The following OR51L1 variants were observed in gnomAD, a reference collection of about 807,000 sequenced individuals.
OR51L1 encodes the protein olfactory receptor 51L1.
In OR51L1, 1 loss-of-function variant was observed where a neutral mutation model predicts 1.4. The ratio of observed to expected loss-of-function variants is 0.72; its 90% CI spans 0.26 to 3.42. The LOEUF (loss-of-function observed/expected upper bound fraction) is 3.42, where lower values mean the gene tolerates loss of function less well. Ranked by LOEUF, OR51L1 falls within the 30% of genes most tolerant of loss-of-function variation. The pLI is 0.20. For synonymous variants in OR51L1, 156 were observed against 144.2 expected (o/e 1.08, Z -0.59); for missense variants, 378 against 380.0 (o/e 0.99, Z 0.04).
rs374482511 is a variant in OR51L1, at chr11:4,999,228, C to T, written c.246C>T (p.Thr82=). ...DLGMSLSTLP[T]MLAVLWLDAP... ...GGATGTCCCTGTCTACACTTCCCAC[C>T]ATGCTTGCTGTGTTATGGTTGGATG... The change falls in exon 3 of 3, where the codon ACC becomes ACT. Residue 82 remains threonine (T), a synonymous_variant. Transcript: ENST00000641819. 1.2e-6 allele frequency: 2 copies of T among 1,614,052 alleles called. No individual in the cohort carries two copies. Among genetic ancestry groups the T allele is most frequent in the African/African-American group, 2.7e-5 (2 of 74,930 alleles).
rs1847161600 is a variant in OR51L1 at position 5,004,755 on chromosome 11, A to T, written c.*4825A>T. Reference sequence around the variant, plus strand: ...AACTGGGACAATAAATAAATAACTGACACATTTGCTGATATTATCAATGAT... The same window carrying T: ...AACTGGGACAATAAATAAATAACTGTCACATTTGCTGATATTATCAATGAT... On this transcript the variant is annotated 3_prime_UTR_variant, in exon 3 of 3. Coordinates refer to ENST00000641819, the MANE Select transcript of OR51L1 (RefSeq NM_001004755.2). 1 of 152,102 alleles carries T rather than the reference A, an allele frequency of 6.6e-6. No individual in the cohort carries two copies. The highest frequency in any genetic ancestry group is 1.5e-5 in the Non-Finnish European group (1 of 68,016). 9.4% of individuals were successfully genotyped at this position (152,102 alleles called of 1,614,324 possible). A position where few individuals can be genotyped will look rare whatever the true frequency, so the allele number is the denominator to read the frequency against.
intron 2 of OR51L1, 61 bp from the exon 3 acceptor site, chr11:4,998,762 GT>G: frequency 1.9e-6 from 1 of 519,608 alleles, no homozygotes; most frequent in Non-Finnish European, 3.4e-6. Flanking sequence ...CCATATTTGT[GT>G]AGTCCACATT....
rs1847101624 is a variant in OR51L1, at chr11:4,999,277, T to C, written c.295T>C (p.Cys99Arg). The C allele has an allele frequency of 6.2e-7, 1 of 1,614,064 alleles. No homozygotes were observed. Among genetic ancestry groups the C allele is most frequent in the South Asian group, 1.1e-5 (1 of 91,086 alleles). ...TGCTCCAGAGATCCAGGCAAGTGCT[T>C]GCTATGCTCAGCTGTTCTTCATCCA... ...LDAPEIQASACYAQLFFIHTF... is the reference protein window; with the variant it reads ...LDAPEIQASARYAQLFFIHTF... Residue 99 changes from cysteine (C) to arginine (R), a missense_variant, in exon 3 of 3, where the codon TGC (cysteine) becomes CGC (arginine). Physicochemically the swap from Cys to Arg is radical, Grantham distance 180 (BLOSUM62 -3). Transcript: ENST00000641819.
rs897712194 is a variant in OR51L1, at chr11:5,000,839, C to T, written c.*909C>T. Reference sequence around the variant, plus strand: ...ATCTTGGGTCATCTGGTGGGTCATCCAGTAGTCTGGCCAGTGGGGGAGAAT... The same window carrying T: ...ATCTTGGGTCATCTGGTGGGTCATCTAGTAGTCTGGCCAGTGGGGGAGAAT... On this transcript the variant is annotated 3_prime_UTR_variant, in exon 3 of 3. Coordinates refer to ENST00000641819, the MANE Select transcript of OR51L1 (RefSeq NM_001004755.2). 1 of 152,350 alleles carries T rather than the reference C, an allele frequency of 6.6e-6. No individual in the cohort carries two copies. Among genetic ancestry groups the T allele is most frequent in the African/African-American group, 2.4e-5 (1 of 41,426 alleles). 9.4% of individuals were successfully genotyped at this position (152,350 alleles called of 1,614,324 possible).
At chr11:4,996,721 T>C (rs1291494708) in intron 1 of OR51L1, among the ~76,000 whole-genome samples, 4 of 106,276 alleles carry the variant, frequency 3.8e-5, no homozygotes, top group African/African-American at 1.1e-4. Context: ...CTTTCTTTTC[T>C]TTTCTTTCTT....
Position 4,999,551 on chromosome 11 carries a change from C to A in OR51L1, c.569C>A (p.Ser190Tyr), listed in dbSNP as rs748049886. 4.5e-5 allele frequency: 72 copies of A among 1,613,862 alleles called. No individual in the cohort carries two copies. The highest frequency in any genetic ancestry group is 5.2e-5 in the Non-Finnish European group (61 of 1,179,982). ...FCLHQDVLRL[S>Y]CTDARTNSIY... Reference sequence around the variant, plus strand: ...TTGCACCAGGATGTTCTAAGATTATCCTGTACAGATGCCAGGACCAACAGT... The same window carrying A: ...TTGCACCAGGATGTTCTAAGATTATACTGTACAGATGCCAGGACCAACAGT... The change falls in exon 3 of 3, where the codon TCC becomes TAC. Residue 190 changes from serine to tyrosine, a missense_variant. Physicochemically the swap from Ser to Tyr is moderately radical, Grantham distance 144. Transcript: ENST00000641819.
rs1350360639 is a variant in OR51L1 at position 4,997,556 on chromosome 11, CTA to C, written c.-185_-184del. 6.6e-6 allele frequency: 1 copy of C among 152,100 alleles called. No homozygotes were observed. The highest frequency in any genetic ancestry group is 1.9e-4 in the East Asian group (1 of 5,188). The allele number at this position is 152,100 out of a possible 1,614,324, so 9.4% of individuals were successfully genotyped here. On this transcript the variant is annotated 5_prime_UTR_variant, in exon 2 of 3. An upstream start codon of the reference 5' UTR is lost. Transcript: ENST00000641819. ...TGCTACAGAGAGATGTTGCTGAAGT[CTA>C]TGAGGCCCAGACTCTAAGGGACAAG... is the stretch of plus-strand genomic sequence containing the variant.
Position 5,004,199 on chromosome 11 carries a change from G to GA in OR51L1, c.*4273dup, listed in dbSNP as rs1337419781. 2 of 152,172 alleles carry GA rather than the reference G, an allele frequency of 1.3e-5. No homozygotes were observed. The highest frequency in any genetic ancestry group is 3.9e-4 in the East Asian group (2 of 5,178). 9.4% of individuals were successfully genotyped at this position (152,172 alleles called of 1,614,324 possible). On this transcript the variant is annotated 3_prime_UTR_variant, in exon 3 of 3. Coordinates refer to ENST00000641819, the MANE Select transcript of OR51L1 (RefSeq NM_001004755.2). ...CATAGTCTTAGCATCCTGGATGCCA[G>GA]AAAAGGTCATTACATTGCATGTGTT...
At chr11:4,998,741 G>T in intron 2 of OR51L1, 83 bp from the exon 3 acceptor site, 1 of 430,044 alleles carries the variant, frequency 2.3e-6, no homozygotes, top group Non-Finnish European at 4.1e-6. Context: ...CGTATTTCTT[G>T]CCAGAGATGA....
At chr11:4,997,943 A>G (rs1387770479) in intron 2 of OR51L1, among the ~76,000 whole-genome samples, 3 of 152,180 alleles carry the variant, frequency 2.0e-5, no homozygotes, top group African/African-American at 4.8e-5. Context: ...TAATATTTTG[A>G]TTGATGATCT....
chr11:4,999,887 G>A lies in OR51L1; in HGVS notation c.905G>A (p.Arg302His), dbSNP rs148976493. ...IVYSVRTKQI[R>H]LGILHKFVLR... ...TATAGTGTCAGAACAAAGCAGATTC[G>A]TCTAGGAATTCTCCACAAGTTTGTC... The change falls in exon 3 of 3, where the codon CGT becomes CAT. Residue 302 changes from arginine to histidine, a missense_variant. Transcript: ENST00000641819. The A allele has an allele frequency of 1.0e-4, 167 of 1,613,340 alleles. No individual in the cohort carries two copies. Among genetic ancestry groups the A allele is most frequent in the East Asian group, 4.5e-4 (20 of 44,868 alleles).
chr11:5,002,202 G>A lies in OR51L1; in HGVS notation c.*2272G>A, dbSNP rs147357311. On this transcript the variant is annotated 3_prime_UTR_variant, in exon 3 of 3. Coordinates refer to ENST00000641819, the MANE Select transcript of OR51L1 (RefSeq NM_001004755.2). ...TAATGTCATATAGGTTAATGAAATT[G>A]GTTATGATGGAAGTATTTAAACCAC... 4 of 152,204 alleles carry A rather than the reference G, an allele frequency of 2.6e-5. No individual in the cohort carries two copies. Among genetic ancestry groups the A allele is most frequent in the African/African-American group, 9.6e-5 (4 of 41,530 alleles). 9.4% of individuals were successfully genotyped at this position (152,204 alleles called of 1,614,324 possible). A position where few individuals can be genotyped will look rare whatever the true frequency, so the allele number is the denominator to read the frequency against.
Position 5,002,231 on chromosome 11 carries a change from A to T in OR51L1, c.*2301A>T, listed in dbSNP as rs139429539. Reference sequence around the variant, plus strand: ...ATGATGGAAGTATTTAAACCACAGAAATTGGTAAACATTATATATCAGGAC... The same window carrying T: ...ATGATGGAAGTATTTAAACCACAGATATTGGTAAACATTATATATCAGGAC... On this transcript the variant is annotated 3_prime_UTR_variant, in exon 3 of 3. Coordinates refer to ENST00000641819, the MANE Select transcript of OR51L1 (RefSeq NM_001004755.2). The T allele has an allele frequency of 2.3e-4, 35 of 152,358 alleles. No homozygotes were observed. The highest frequency in any genetic ancestry group is 4.9e-4 in the Non-Finnish European group (33 of 68,038). 9.4% of individuals were successfully genotyped at this position (152,358 alleles called of 1,614,324 possible). A position where few individuals can be genotyped will look rare whatever the true frequency, so the allele number is the denominator to read the frequency against.
intron 1 of OR51L1, among the ~76,000 whole-genome samples, chr11:4,996,679 CTTTCTTTCTT>C (rs1426828456): frequency 6.7e-6 from 1 of 150,032 alleles, no homozygotes; most frequent in African/African-American, 2.5e-5. Flanking sequence ...CTTTTTTTCT[CTTTCTTTCTT>C]TTTCTTTCTT....
chr11:4,997,091 G>C (rs1847080151), intron 1 of OR51L1, among the ~76,000 whole-genome samples: 1 of 152,092 alleles, frequency 6.6e-6, no homozygotes, highest in Non-Finnish European at 1.5e-5. Flanking sequence ...CATTCACATT[G>C]CCTAGGCTAG....
chr11:4,999,507 CCT>C lies in OR51L1; in HGVS notation c.531_532del (p.His178ArgfsTer47). The C allele has an allele frequency of 6.2e-7, 1 of 1,614,016 alleles. No homozygotes were observed. Reference sequence around the variant, plus strand: ...ACTATCACTACTGCCATGGCAATGCCCTCTCTCACGCCTTCTGTTTGCACCAG... The same window carrying C: ...ACTATCACTACTGCCATGGCAATGCCCTCTCACGCCTTCTGTTTGCACCAG... ...RHYHYCHGNA[L>X]SHAFCLHQDV... On this transcript the variant is annotated frameshift_variant, in exon 3 of 3. Transcript: ENST00000641819. LOFTEE classifies it low-confidence loss of function (END_TRUNC).
rs1847110424 is a variant in OR51L1 at position 4,999,713 on chromosome 11, T to C, written c.731T>C (p.Val244Ala). 1 of 1,614,016 alleles carries C rather than the reference T, an allele frequency of 6.2e-7. No individual in the cohort carries two copies. The highest frequency in any genetic ancestry group is 8.5e-7 in the Non-Finnish European group (1 of 1,179,956). The stretch of plus-strand genomic sequence containing the variant: ...CAGCTAAAGGCACTCAACACATGTG[T>C]ATCCCATATCTGTGTGGTGCTTATC... ...EEQLKALNTCVSHICVVLIFF... is the reference protein window; with the variant it reads ...EEQLKALNTCASHICVVLIFF... Residue 244 changes from valine to alanine, a missense_variant, in exon 3 of 3, where the codon GTA becomes GCA. Physicochemically the swap from Val to Ala is moderately conservative, Grantham distance 64. Coordinates refer to ENST00000641819, the MANE Select transcript of OR51L1 (RefSeq NM_001004755.2).
Position 4,995,008 on chromosome 11 carries a change from TAGA to T in OR51L1, c.-584_-582del, listed in dbSNP as rs1847055070. The stretch of plus-strand genomic sequence containing the variant: ...AAACCACAGACACACAAAGAGAAAT[TAGA>T]AGAAAGAAACAGCCAATCAAAGGGA... On this transcript the variant is annotated 5_prime_UTR_variant, in exon 1 of 3. Transcript: ENST00000641819. The T allele has an allele frequency of 6.6e-6, 1 of 151,620 alleles. No individual in the cohort carries two copies. The highest frequency in any genetic ancestry group is 1.5e-5 in the Non-Finnish European group (1 of 67,876). 9.4% of individuals were successfully genotyped at this position (151,620 alleles called of 1,614,324 possible).
chr11:4,999,381 C>T lies in OR51L1; in HGVS notation c.399C>T (p.His133=). 6.2e-7 allele frequency: 1 copy of T among 1,614,174 alleles called. No individual in the cohort carries two copies. The highest frequency in any genetic ancestry group is 2.2e-5 in the East Asian group (1 of 44,860). Residue 133 remains histidine, a synonymous_variant, in exon 3 of 3, where the codon CAC becomes CAT. Coordinates refer to ENST00000641819, the MANE Select transcript of OR51L1 (RefSeq NM_001004755.2). ...DRFVAICHPL[H]YPTILTNSVI... Reference sequence around the variant, plus strand: ...TTGTTGCTATCTGCCATCCACTGCACTACCCCACCATCCTCACCAACAGTG... The same window carrying T: ...TTGTTGCTATCTGCCATCCACTGCATTACCCCACCATCCTCACCAACAGTG...
Sources: gnomAD v4.1 joint callset for allele counts (sites outside exome capture counted in the v4.1 genomes callset) on GRCh38, gnomAD v4.1.1 for gene constraint, MANE v1.5 for transcripts, NCBI Gene and HGNC (gene_info 2026-07-23, HGNC 2026-07-21) for gene names.